TANGO6: variants seen among roughly 807,000 people sequenced by gnomAD.
The protein encoded by TANGO6 is transport and Golgi organization protein 6 homolog.
In TANGO6, 90 loss-of-function variants were observed where a neutral mutation model predicts 114.2. The ratio of observed to expected loss-of-function variants is 0.79; its 90% confidence interval spans 0.66 to 0.94. The LOEUF is 0.94. TANGO6 is among the 40% of genes least tolerant of loss of function. The probability of loss-of-function intolerance (pLI) is 0.00; values close to 1 mark genes in which losing one functional copy is unlikely to be tolerated. For synonymous variants in TANGO6, 477 were observed against 509.8 expected (o/e 0.94, Z 0.87); for missense variants, 1,274 against 1,315.3 (o/e 0.97, Z 0.49).
At chr16:69,020,904 A>ATGTATG (rs1555528347) in intron 15 of TANGO6, among the ~76,000 whole-genome samples, 1 of 87,284 alleles carries the variant, frequency 1.1e-5, no homozygotes, top group African/African-American at 2.9e-5. Flanking sequence ...ATATGTATGT[A>ATGTATG]TGTGTGTGTG....
intron 14 of TANGO6, among the ~76,000 whole-genome samples, chr16:68,958,286 AG>A (rs1270615023): frequency 6.6e-6 from 1 of 152,022 alleles, no homozygotes. Context: ...TAAGGTCAGG[AG>A]TTCGAGACCA....
In TANGO6 at chr16:68,907,423, A is replaced by G; in HGVS notation, c.1668-20A>G. ...TATCTCTGGTGACACTACCAAGATA[A>G]ATTTTACCCTGCATTGCAGTGATGA... On this transcript the variant is annotated intron_variant, in intron 9 of 17. Transcript: ENST00000261778. 1 of 1,556,540 alleles carries G rather than the reference A, an allele frequency of 6.4e-7. No individual in the cohort carries two copies.
At chr16:68,998,835 A>G (rs1964016002) in intron 15 of TANGO6, among the ~76,000 whole-genome samples, 1 of 152,048 alleles carries the variant, frequency 6.6e-6, no homozygotes, top group Non-Finnish European at 1.5e-5. Flanking sequence ...TTGCCATAGA[A>G]ACTCCTTTTT....
chr16:69,030,495 G>A (rs983977736), intron 16 of TANGO6, among the ~76,000 whole-genome samples: 4 of 152,014 alleles, frequency 2.6e-5, no homozygotes, highest in African/African-American at 9.7e-5. Context: ...GGCCTGACAT[G>A]TTTAGGAAGG....
intron 16 of TANGO6, among the ~76,000 whole-genome samples, 192 bp downstream of exon 16, chr16:69,023,171 AAGGG>A: frequency 6.6e-6 from 1 of 152,220 alleles, no homozygotes; most frequent in Middle Eastern, 3.4e-3. Flanking sequence ...TTATGTTAGT[AAGGG>A]CCGGGCATGG....
At chr16:68,900,231 C>G (rs2152181065) in intron 7 of TANGO6, 1 of 573,708 alleles carries the variant, frequency 1.7e-6, no homozygotes, top group Non-Finnish European at 3.1e-6. Flanking sequence ...TGGTGCTGCT[C>G]CAGTTCACTG....
chr16:68,970,575 G>A (rs1171126194), intron 14 of TANGO6, among the ~76,000 whole-genome samples: 5 of 151,352 alleles, frequency 3.3e-5, no homozygotes, highest in Non-Finnish European at 5.9e-5. Context: ...GCTGAGGCAG[G>A]AGAATCACTT....
At chr16:69,040,497 G>A in intron 17 of TANGO6, 76 bp downstream of exon 17, 1 of 1,276,290 alleles carries the variant, frequency 7.8e-7, no homozygotes, top group Non-Finnish European at 1.1e-6. Context: ...TTTTACCAGG[G>A]AAGGCCTCAA....
At chr16:68,917,219 A>G (rs758313012) in intron 11 of TANGO6, among the ~76,000 whole-genome samples, 12 of 152,092 alleles carry the variant, frequency 7.9e-5, no homozygotes, top group Non-Finnish European at 1.8e-4. Context: ...AGTTTCCTCC[A>G]TGTCTTTTCA....
chr16:68,894,538 G>A (rs967899233), intron 7 of TANGO6, among the ~76,000 whole-genome samples: 1 of 152,028 alleles, frequency 6.6e-6, no homozygotes, highest in African/African-American at 2.4e-5. Flanking sequence ...GCTCCAGCTT[G>A]CAGAGCTTGC....
chr16:68,950,434 G>A (rs1963460151), intron 14 of TANGO6, among the ~76,000 whole-genome samples: 1 of 152,082 alleles, frequency 6.6e-6, no homozygotes, highest in African/African-American at 2.4e-5. Flanking sequence ...GGCATAGTAT[G>A]GGTTCCTATA....
intron 15 of TANGO6, among the ~76,000 whole-genome samples, chr16:68,981,434 C>A (rs1963835772): frequency 6.6e-6 from 1 of 152,044 alleles, no homozygotes; most frequent in African/African-American, 2.4e-5. Context: ...TGGTCTCGAC[C>A]TCCTGACCTC....
At chr16:68,973,167 G>C (rs1963726195) in intron 14 of TANGO6, 1 of 455,872 alleles carries the variant, frequency 2.2e-6, no homozygotes, top group Admixed American at 2.4e-5. Context: ...GACCAATGAG[G>C]GGATTATTGG....
At chr16:69,005,470 A>G (rs1199188745) in intron 15 of TANGO6, among the ~76,000 whole-genome samples, 1 of 152,092 alleles carries the variant, frequency 6.6e-6, no homozygotes, top group Non-Finnish European at 1.5e-5. Context: ...CCCAAAATAA[A>G]GGACAGAGAA....
At chr16:68,911,227 C>T (rs1384520028) in intron 11 of TANGO6, among the ~76,000 whole-genome samples, 1 of 152,038 alleles carries the variant, frequency 6.6e-6, no homozygotes, top group African/African-American at 2.4e-5. Context: ...GCTGAGACAA[C>T]AGGTGCACAC....
intron 15 of TANGO6, among the ~76,000 whole-genome samples, chr16:68,987,236 T>A (rs1482078289): frequency 6.6e-6 from 1 of 152,212 alleles, no homozygotes; most frequent in Non-Finnish European, 1.5e-5. Flanking sequence ...TTTATATGTG[T>A]ATATCTTGTA....
At chr16:68,930,957 C>T (rs578140241) in intron 14 of TANGO6, among the ~76,000 whole-genome samples, 1 of 152,236 alleles carries the variant, frequency 6.6e-6, no homozygotes, top group South Asian at 2.1e-4. Flanking sequence ...TCTATATGCA[C>T]CTTTGCTCTC....
intron 17 of TANGO6, among the ~76,000 whole-genome samples, chr16:69,076,951 C>T (rs563422915): frequency 9.9e-5 from 15 of 152,062 alleles, no homozygotes; most frequent in African/African-American, 2.2e-4. Flanking sequence ...AAGCCAAGAT[C>T]GCACCACTGA....
chr16:69,017,042 AC>A (rs1959312396), intron 15 of TANGO6, among the ~76,000 whole-genome samples: 1 of 152,352 alleles, frequency 6.6e-6, no homozygotes, highest in African/African-American at 2.4e-5. Context: ...GTAAACGAAG[AC>A]TGAATAATAA....
Sources: gnomAD v4.1 joint callset for allele counts (sites outside exome capture counted in the v4.1 genomes callset) on GRCh38, gnomAD v4.1.1 for gene constraint, MANE v1.5 for transcripts, NCBI Gene and HGNC (gene_info 2026-07-23, HGNC 2026-07-21) for gene names.